TCF4: variants seen among roughly 807,000 people sequenced by gnomAD.
TCF4 encodes transcription factor 4.
In TCF4, 3 loss-of-function variants were observed where a neutral mutation model predicts 82.1. That is an observed-to-expected ratio of 0.04 (90% CI 0.02 to 0.09). TCF4 has a LOEUF of 0.09. TCF4 is among the 10% of genes least tolerant of loss of function. The pLI is 1.00. For missense variants in TCF4, 518 were observed against 852.7 expected, an observed-to-expected ratio of 0.61 and a Z score of 4.89; for synonymous variants, 276 against 309.6, an observed-to-expected ratio of 0.89 and a Z score of 1.14.
intron 6 of TCF4, among the ~76,000 whole-genome samples, chr18:55,359,483 C>G (rs1404875030): frequency 6.6e-6 from 1 of 152,194 alleles, no homozygotes; most frequent in African/African-American, 2.4e-5. Context: ...TCTTTGTATT[C>G]CTGGCATCCA....
At chr18:55,635,123 G>A (rs760001303) in intron 1 of TCF4, among the ~76,000 whole-genome samples, 2 of 152,184 alleles carry the variant, frequency 1.3e-5, no homozygotes, top group African/African-American at 4.8e-5. Flanking sequence ...CTGAGAAGCA[G>A]CCAACTTTAG....
rs758189090 is a variant in TCF4 at position 55,234,526 on chromosome 18, T to G, written c.1486+22A>C. 7.4e-6 allele frequency: 12 copies of G among 1,614,034 alleles called. No homozygotes were observed. The Admixed American group carries it at 2.0e-4, about 27-fold the overall frequency. On this transcript the variant is annotated intron_variant, in intron 16 of 19. Transcript: ENST00000354452. The stretch of plus-strand genomic sequence containing the variant: ...CCTATTGTGAAAGTGAGGTCAGAAG[T>G]GCCCTGGTGAGGCCAACCTACCTCT...
intron 2 of TCF4, among the ~76,000 whole-genome samples, chr18:55,618,003 A>G (rs2147976002): frequency 6.6e-6 from 1 of 152,204 alleles, no homozygotes; most frequent in Non-Finnish European, 1.5e-5. Flanking sequence ...AACTGGTAAG[A>G]GTGGGCATCC....
chr18:55,579,899 C>T (rs186901188), intron 3 of TCF4, among the ~76,000 whole-genome samples: 377 of 152,176 alleles, frequency 2.5e-3, no homozygotes, highest in African/African-American at 8.8e-3. Context: ...GTTTATATGA[C>T]AGTCTTTACT....
In TCF4 at chr18:55,428,592, G is replaced by A. The variant is rs1408171584; in HGVS notation, c.305-25074C>T. Among the ~76,000 whole-genome samples the A allele has an allele frequency of 2.6e-5, 4 of 152,304 alleles. No homozygotes were observed. The East Asian group carries it at 7.7e-4, about 29-fold the overall frequency. ...GTTTTACAGAAACTAAAGAAGAAAT[G>A]AGGTTACATTTGTTAAGAATCTCCT... On this transcript the variant is annotated intron_variant, in intron 5 of 19. Transcript: ENST00000354452.
chr18:55,257,985 C>G (rs1320800298), intron 13 of TCF4, among the ~76,000 whole-genome samples: 10 of 152,054 alleles, frequency 6.6e-5, no homozygotes, highest in African/African-American at 2.4e-5. Flanking sequence ...AAAAAGATTG[C>G]TGTTAGAATA....
At chr18:55,307,325 A>G (rs1253518913) in intron 8 of TCF4, among the ~76,000 whole-genome samples, 1 of 152,228 alleles carries the variant, frequency 6.6e-6, no homozygotes. Context: ...AAATATGTTT[A>G]CATTTTAAAA....
chr18:55,329,220 C>T (rs1602897648), intron 8 of TCF4, among the ~76,000 whole-genome samples: 1 of 152,312 alleles, frequency 6.6e-6, no homozygotes, highest in African/African-American at 2.4e-5. Context: ...AAAGCTTAAG[C>T]AGGTCATTGG....
At chr18:55,463,939 C>T (rs531677480) in intron 4 of TCF4, 137 bp downstream of exon 4, 17 of 854,610 alleles carry the variant, frequency 2.0e-5, no homozygotes, top group African/African-American at 3.6e-5. Context: ...CGTGTGCATG[C>T]CCATGCCTCT....
At chr18:55,241,273 C>A (rs1251477719) in intron 15 of TCF4, among the ~76,000 whole-genome samples, 5 of 152,210 alleles carry the variant, frequency 3.3e-5, no homozygotes, top group Admixed American at 3.3e-4. Flanking sequence ...GTCCCACACC[C>A]TCAATTCTCG....
intron 3 of TCF4, among the ~76,000 whole-genome samples, chr18:55,552,917 T>G (rs1216610824): frequency 2.0e-5 from 3 of 152,220 alleles, no homozygotes; most frequent in Non-Finnish European, 4.4e-5. Context: ...ACACCTAAAG[T>G]AGAGCACAAA....
upstream of TCF4, chr18:55,588,193 A>G (rs1036753889): frequency 1.7e-6 from 2 of 1,203,824 alleles, no homozygotes; most frequent in Non-Finnish European, 2.1e-6. Flanking sequence ...ACAGATCCGC[A>G]GACACACAGC....
intron 8 of TCF4, among the ~76,000 whole-genome samples, chr18:55,333,088 G>A (rs557267094): frequency 2.0e-5 from 3 of 152,116 alleles, no homozygotes; most frequent in Non-Finnish European, 4.4e-5. Context: ...GAAATATTTT[G>A]TCTGAAAGCA....
chr18:55,410,445 C>T (rs913593861), intron 5 of TCF4, among the ~76,000 whole-genome samples: 12 of 152,014 alleles, frequency 7.9e-5, no homozygotes, highest in African/African-American at 2.7e-4. Context: ...ATATTCAATT[C>T]TCCATAGAGC....
At chr18:55,270,796 G>A (rs1161736124) in intron 10 of TCF4, among the ~76,000 whole-genome samples, 2 of 151,980 alleles carry the variant, frequency 1.3e-5, no homozygotes, top group Non-Finnish European at 2.9e-5. Context: ...CATCTGCTTG[G>A]GAATGAACAG....
At chr18:55,625,934 C>T (rs1603625659) in intron 2 of TCF4, among the ~76,000 whole-genome samples, 1 of 152,206 alleles carries the variant, frequency 6.6e-6, no homozygotes. Context: ...GGACTGGCAG[C>T]CTTCCATAGT....
At chr18:55,380,283 T>G (rs2091667299) in intron 6 of TCF4, among the ~76,000 whole-genome samples, 1 of 152,004 alleles carries the variant, frequency 6.6e-6, no homozygotes, top group African/African-American at 2.4e-5. Flanking sequence ...TTTTTTTAAA[T>G]TATACTTTAA....
chr18:55,621,993 T>C (rs1189936529), intron 2 of TCF4, among the ~76,000 whole-genome samples: 1 of 129,864 alleles, frequency 7.7e-6, no homozygotes, highest in Non-Finnish European at 1.5e-5. Context: ...ATACACTATA[T>C]ATTATATATA....
intron 8 of TCF4, among the ~76,000 whole-genome samples, chr18:55,348,744 C>T (rs1239832196): frequency 6.6e-6 from 1 of 152,110 alleles, no homozygotes; most frequent in African/African-American, 2.4e-5. Context: ...TAGATTTCTG[C>T]CTAATCTTAG....
Sources: gnomAD v4.1 joint callset for allele counts (sites outside exome capture counted in the v4.1 genomes callset) on GRCh38, gnomAD v4.1.1 for gene constraint, MANE v1.5 for transcripts, NCBI Gene and HGNC (gene_info 2026-07-23, HGNC 2026-07-21) for gene names.